SPEF2: variants seen among roughly 807,000 people sequenced by gnomAD.
SPEF2 encodes sperm flagellar and cilia associated 2.
A neutral mutation model predicts 224.6 loss-of-function variants in SPEF2; 187 were observed. The observed-to-expected ratio is 0.83, with a 90% confidence interval of 0.74 to 0.94. The LOEUF (loss-of-function observed/expected upper bound fraction) is 0.94. SPEF2 is among the 40% of genes least tolerant of loss of function. The probability of loss-of-function intolerance (pLI) is 0.00; values close to 1 mark genes in which losing one functional copy is unlikely to be tolerated. For missense variants in SPEF2, 2,170 were observed against 2,135.6 expected (o/e 1.02, Z -0.32); for synonymous variants, 715 against 707.3 (o/e 1.01, Z -0.17).
intron 35 of SPEF2, 62 bp from the exon 36 acceptor site, chr5:35,807,069 A>G (rs976020281): frequency 2.6e-5 from 41 of 1,568,394 alleles, no homozygotes; most frequent in Admixed American, 2.1e-5. Flanking sequence ...AAATACAACC[A>G]TTTTTTTTAA....
chr5:35,631,954 T>C (rs930150374), intron 2 of SPEF2, among the ~76,000 whole-genome samples: 3 of 152,204 alleles, frequency 2.0e-5, no homozygotes, highest in African/African-American at 7.2e-5. Flanking sequence ...TATACTGTCT[T>C]ATGTGAAACC....
Position 35,753,740 on chromosome 5 carries a change from C to T in SPEF2, c.3447C>T (p.Asn1149=). The T allele has an allele frequency of 6.2e-7, 1 of 1,614,064 alleles. No individual in the cohort carries two copies. The highest frequency in any genetic ancestry group is 1.1e-5 in the South Asian group (1 of 91,074). The change falls in exon 24 of 37, where the codon AAC becomes AAT. Residue 1149 remains asparagine, a synonymous_variant. Transcript: ENST00000356031. ...AGGACACTCTTGGAATGACAATGAA[C>T]CATTTCTTTTCCCTGATGCAGGTAA... The part of the protein sequence containing the change: ...WLQDTLGMTM[N]HFFSLMQAEL...
In SPEF2 at chr5:35,676,544, C is replaced by T. The variant is rs939676294; in HGVS notation, c.1524+6317C>T. Among the ~76,000 whole-genome samples the T allele has an allele frequency of 1.5e-4, 23 of 152,092 alleles. 1 individual carries two copies. Among genetic ancestry groups the T allele is most frequent in the Non-Finnish European group, 2.9e-5 (2 of 68,014 alleles). Reference sequence around the variant, plus strand: ...AGGAGTTCGAGACCAGCCTGGCCAACATGGTGAAACCCCGTCTCTCCTAAA... The same window carrying T: ...AGGAGTTCGAGACCAGCCTGGCCAATATGGTGAAACCCCGTCTCTCCTAAA... On this transcript the variant is annotated intron_variant, in intron 10 of 36. Coordinates refer to ENST00000356031, the MANE Select transcript of SPEF2 (RefSeq NM_024867.4).
chr5:35,627,211 T>C lies in SPEF2; in HGVS notation c.59-1249T>C, dbSNP rs970305087. Among the ~76,000 whole-genome samples, 3 of 152,052 alleles carry C rather than the reference T, an allele frequency of 2.0e-5. No homozygotes were observed. The East Asian group carries it at 5.8e-4, about 29-fold the overall frequency. ...TTATTTTGTATATAATCCTTAAATA[T>C]CATGTAAGTCTATATATTTTACTTT... On this transcript the variant is annotated intron_variant, in intron 1 of 36. Coordinates refer to ENST00000356031, the MANE Select transcript of SPEF2 (RefSeq NM_024867.4).
Position 35,668,971 on chromosome 5 carries a change from G to A in SPEF2, c.1356-1088G>A, listed in dbSNP as rs532745375. On this transcript the variant is annotated intron_variant, in intron 9 of 36. Coordinates refer to ENST00000356031, the MANE Select transcript of SPEF2 (RefSeq NM_024867.4). ...GTGGTGGAGAAAGCAAAAAGGAGAA[G>A]TACCTGAATCTGAGGTTTGTCAGGA... is the stretch of plus-strand genomic sequence containing the variant. Among the ~76,000 whole-genome samples the A allele has an allele frequency of 9.9e-4, 150 of 152,034 alleles. 1 individual carries two copies. The highest frequency in any genetic ancestry group is 3.4e-4 in the Non-Finnish European group (23 of 67,980).
chr5:35,709,295 G>C, intron 19 of SPEF2, 174 bp downstream of exon 19: 2 of 1,427,094 alleles, frequency 1.4e-6, no homozygotes, highest in Non-Finnish European at 1.8e-6. Context: ...AAGCGTAGTT[G>C]TTACAAAGCC....
intron 16 of SPEF2, 23 bp downstream of exon 16, chr5:35,700,775 CACTCTTTTTACAATGAAA>C: frequency 6.2e-7 from 1 of 1,609,570 alleles, no homozygotes; most frequent in Non-Finnish European, 8.5e-7. Context: ...CCTTTTTTGA[CACTCTTTTTACAATGAAA>C]ACTCTTTGTT....
At chr5:35,664,539 G>T (rs1177769632) in intron 8 of SPEF2, among the ~76,000 whole-genome samples, 1 of 152,072 alleles carries the variant, frequency 6.6e-6, no homozygotes, top group Non-Finnish European at 1.5e-5. Flanking sequence ...AATTAGCCAG[G>T]TGTGATGGTG....
At chr5:35,717,444 A>T (rs1284851286) in intron 20 of SPEF2, among the ~76,000 whole-genome samples, 1 of 152,220 alleles carries the variant, frequency 6.6e-6, no homozygotes, top group Non-Finnish European at 1.5e-5. Flanking sequence ...GGTGCTACCA[A>T]GCCACTTAAA....
At chr5:35,657,608 A>G (rs1302671919) in intron 7 of SPEF2, among the ~76,000 whole-genome samples, 1 of 152,116 alleles carries the variant, frequency 6.6e-6, no homozygotes, top group Admixed American at 6.5e-5. Flanking sequence ...TAGATCACAG[A>G]GTGGATTATT....
At chr5:35,647,913 G>C (rs550121818) in intron 5 of SPEF2, among the ~76,000 whole-genome samples, 2 of 152,058 alleles carry the variant, frequency 1.3e-5, no homozygotes, top group Non-Finnish European at 2.9e-5. Context: ...TTTCACAGGA[G>C]AGCAATGTTA....
intron 28 of SPEF2, 69 bp downstream of exon 28, chr5:35,774,090 C>A: frequency 6.4e-7 from 1 of 1,558,528 alleles, no homozygotes; most frequent in Non-Finnish European, 8.7e-7. Flanking sequence ...CAGCCCACAA[C>A]TGGCTCATCA....
At chr5:35,753,009 A>C (rs561072416) in intron 23 of SPEF2, among the ~76,000 whole-genome samples, 2 of 150,280 alleles carry the variant, frequency 1.3e-5, no homozygotes, top group South Asian at 4.2e-4. Flanking sequence ...ATGCATTGAT[A>C]CTGTTTATTA....
intron 10 of SPEF2, among the ~76,000 whole-genome samples, chr5:35,680,580 A>G (rs1287825233): frequency 6.6e-6 from 1 of 152,204 alleles, no homozygotes; most frequent in African/African-American, 2.4e-5. Flanking sequence ...GTTAAATAAG[A>G]CAGAGATCCT....
chr5:35,808,084 A>G (rs1261015877), intron 36 of SPEF2: 1 of 1,028,494 alleles, frequency 9.7e-7, no homozygotes, highest in Non-Finnish European at 1.2e-6. Flanking sequence ...AGCAAGTTAC[A>G]TTTTGCAGTT....
intron 10 of SPEF2, among the ~76,000 whole-genome samples, chr5:35,674,651 G>T (rs1203105744): frequency 6.6e-6 from 1 of 151,022 alleles, no homozygotes; most frequent in Non-Finnish European, 1.5e-5. Context: ...CCTTGCGATA[G>T]TTTGCTGAGA....
chr5:35,643,442 G>A, intron 3 of SPEF2: 2 of 455,322 alleles, frequency 4.4e-6, no homozygotes, highest in South Asian at 1.6e-5. Flanking sequence ...TGGAGGTAAA[G>A]AAGAGAACAG....
intron 33 of SPEF2, among the ~76,000 whole-genome samples, chr5:35,798,470 C>A (rs187605183): frequency 3.3e-5 from 5 of 152,204 alleles, no homozygotes; most frequent in African/African-American, 1.2e-4. Context: ...AACTCCCTGC[C>A]CTCCTCCACG....
In SPEF2 at chr5:35,763,178, T is replaced by C. The variant is rs142407614; in HGVS notation, c.3621-344T>C. 4.1e-3 allele frequency among the ~76,000 whole-genome samples: 629 copies of C among 152,316 alleles called. 5 individuals carry two copies. Among genetic ancestry groups the C allele is most frequent in the African/African-American group, 0.014 (593 of 41,574 alleles). On this transcript the variant is annotated intron_variant, in intron 25 of 36. Coordinates refer to ENST00000356031, the MANE Select transcript of SPEF2 (RefSeq NM_024867.4). ...TGCTTTTTCACGACTGACTTTTTTA[T>C]TATCCTTCATGGGAAGTGTATGCTC...
Sources: allele counts gnomAD v4.1 joint callset (sites outside exome capture counted in the v4.1 genomes callset), GRCh38; gene constraint gnomAD v4.1.1; transcripts MANE v1.5; gene names NCBI Gene and HGNC (gene_info 2026-07-23, HGNC 2026-07-21).